Variants in OCA2 observed in about 807,000 individuals in gnomAD.
OCA2 encodes OCA2 melanosomal transmembrane protein.
In OCA2, 77 loss-of-function variants were observed where a neutral mutation model predicts 100.2. The ratio of observed to expected loss-of-function variants is 0.77; its 90% CI spans 0.64 to 0.93. The LOEUF is 0.93. Ranked by LOEUF, OCA2 falls within the 40% of genes least tolerant of loss-of-function variation. OCA2 has a pLI of 0.00. For synonymous variants in OCA2, 432 were observed against 439.2 expected (o/e 0.98, Z 0.21); for missense variants, 1,062 against 1,089.1 (o/e 0.98, Z 0.35).
intron 21 of OCA2, among the ~76,000 whole-genome samples, chr15:27,868,597 G>C (rs1306474517): frequency 1.3e-5 from 2 of 152,138 alleles, no homozygotes; most frequent in African/African-American, 4.8e-5. Context: ...TCAATGGGTA[G>C]AGTTTCAGTT....
intron 4 of OCA2, among the ~76,000 whole-genome samples, chr15:28,027,479 C>G (rs1009165293): frequency 3.3e-5 from 5 of 152,210 alleles, no homozygotes; most frequent in Non-Finnish European, 5.9e-5. Flanking sequence ...CCCCACCCCT[C>G]AGGCTGTGCG....
chr15:27,781,934 T>C (rs1256800794), intron 23 of OCA2, among the ~76,000 whole-genome samples: 1 of 152,240 alleles, frequency 6.6e-6, no homozygotes, highest in Non-Finnish European at 1.5e-5. Flanking sequence ...TCCTTTATTA[T>C]ATGTTTTTGA....
intron 9 of OCA2, among the ~76,000 whole-genome samples, chr15:28,001,258 AAC>A (rs529780975): frequency 3.5e-4 from 53 of 149,952 alleles, no homozygotes; most frequent in Admixed American, 8.0e-4. Flanking sequence ...TATACATACA[AAC>A]ACACACACAC....
intron 18 of OCA2, among the ~76,000 whole-genome samples, chr15:27,936,932 T>C (rs934968320): frequency 1.3e-5 from 2 of 152,204 alleles, no homozygotes; most frequent in Non-Finnish European, 2.9e-5. Flanking sequence ...ATTATTCTAT[T>C]TCTGAGCATT....
intron 15 of OCA2, among the ~76,000 whole-genome samples, chr15:27,959,354 CAT>C (rs964637910): frequency 6.7e-6 from 1 of 148,400 alleles, no homozygotes; most frequent in African/African-American, 2.4e-5. Context: ...GCTATGATAA[CAT>C]AAAAAGAAAG....
At chr15:27,845,129 AGATCATCTCACAGGCTTT>A in intron 22 of OCA2, 77 bp from the exon 23 acceptor site, 1 of 1,058,704 alleles carries the variant, frequency 9.4e-7, no homozygotes, top group Non-Finnish European at 1.5e-6. Context: ...TGTAATATTT[AGATCATCTCACAGGCTTT>A]GATTTGATTA....
chr15:27,922,464 C>T (rs2038892175), intron 19 of OCA2, among the ~76,000 whole-genome samples: 1 of 152,176 alleles, frequency 6.6e-6, no homozygotes, highest in African/African-American at 2.4e-5. Flanking sequence ...CCACAGTTAA[C>T]TTTACACAGT....
intron 19 of OCA2, among the ~76,000 whole-genome samples, chr15:27,895,078 G>A (rs993670893): frequency 7.9e-5 from 12 of 152,154 alleles, no homozygotes; most frequent in African/African-American, 2.9e-4. Flanking sequence ...TAAATTCCTG[G>A]GTCTTCTGTA....
the OCA2 span, among the ~76,000 whole-genome samples, chr15:27,744,239 G>A: frequency 6.6e-6 from 1 of 152,210 alleles, no homozygotes; most frequent in Non-Finnish European, 1.5e-5. Flanking sequence ...GGCCAGCGGA[G>A]GGGGATGGTG....
At chr15:27,809,883 G>A (rs1206473123) in intron 23 of OCA2, among the ~76,000 whole-genome samples, 17 of 152,158 alleles carry the variant, frequency 1.1e-4, no homozygotes, top group Admixed American at 1.1e-3. Flanking sequence ...ACAAACAAAT[G>A]GAAATACATC....
rs574390129 is a variant in OCA2, at chr15:27,856,228, G to C, written c.2245-4753C>G. Among the ~76,000 whole-genome samples, 10 of 152,260 alleles carry C rather than the reference G, an allele frequency of 6.6e-5. No homozygotes were observed. In the South Asian group the frequency reaches 1.0e-3, roughly 16 times the overall value. On this transcript the variant is annotated intron_variant, in intron 21 of 23. Coordinates refer to ENST00000354638, the MANE Select transcript of OCA2 (RefSeq NM_000275.3). ...CACCCTGGTGACCTGATTTAAACTT[G>C]ATTATCTCTGTAAAGGCCCTATTTT...
intron 2 of OCA2, among the ~76,000 whole-genome samples, chr15:28,039,843 G>A (rs2043150544): frequency 6.6e-6 from 1 of 152,098 alleles, no homozygotes; most frequent in South Asian, 2.1e-4. Context: ...GATCAGCCTG[G>A]CCAACATGGT....
rs1347526152 is a variant in OCA2, at chr15:27,966,218, G to A, written c.1636+472C>T. On this transcript the variant is annotated intron_variant, in intron 15 of 23. Transcript: ENST00000354638. ...ACTCCTGACCTGATTCAGGTGATCC[G>A]CCCACCTTGGCCTCCCAAAGTGCTG... 3.9e-5 allele frequency among the ~76,000 whole-genome samples: 6 copies of A among 152,162 alleles called. No individual in the cohort carries two copies. In the East Asian group the frequency reaches 5.8e-4, roughly 15 times the overall value.
intron 8 of OCA2, 131 bp from the exon 9 acceptor site, chr15:28,015,060 G>T: frequency 1.0e-6 from 1 of 967,964 alleles, no homozygotes; most frequent in South Asian, 1.4e-5. Flanking sequence ...ACAGCTGGAA[G>T]AGCAGTGAGC....
intron 23 of OCA2, among the ~76,000 whole-genome samples, chr15:27,765,544 T>C (rs1436520438): frequency 2.6e-5 from 4 of 152,230 alleles, no homozygotes; most frequent in Admixed American, 6.5e-5. Flanking sequence ...GTCTTAGTTA[T>C]GGATTAGAAA....
At chr15:27,831,923 G>A (rs962404411) in intron 23 of OCA2, among the ~76,000 whole-genome samples, 8 of 152,070 alleles carry the variant, frequency 5.3e-5, no homozygotes, top group African/African-American at 1.9e-4. Context: ...CCCATAGATA[G>A]CACCCAGGCT....
chr15:27,827,568 A>C (rs1336811372), intron 23 of OCA2, among the ~76,000 whole-genome samples: 3 of 152,066 alleles, frequency 2.0e-5, no homozygotes, highest in South Asian at 2.1e-4. Context: ...AAAAAAAAAA[A>C]CACATTAGGT....
chr15:27,924,175 C>T (rs572048078), intron 19 of OCA2, among the ~76,000 whole-genome samples: 39 of 152,168 alleles, frequency 2.6e-4, no homozygotes, highest in Admixed American at 7.2e-4. Context: ...CATAGGTGTA[C>T]AGCCTTATTT....
chr15:27,916,964 G>A (rs1342803554), intron 19 of OCA2, among the ~76,000 whole-genome samples: 1 of 152,206 alleles, frequency 6.6e-6, no homozygotes, highest in South Asian at 2.1e-4. Flanking sequence ...TTAGGTAGGT[G>A]TAAGATAGCA....
Sources: gnomAD v4.1 joint callset for allele counts (sites outside exome capture counted in the v4.1 genomes callset) on GRCh38, gnomAD v4.1.1 for gene constraint, MANE v1.5 for transcripts, NCBI Gene and HGNC (gene_info 2026-07-23, HGNC 2026-07-21) for gene names.